Variants in ME3 observed in about 807,000 individuals in gnomAD.
ME3 encodes the protein NADP-dependent malic enzyme, mitochondrial.
A neutral mutation model predicts 68.9 loss-of-function variants in ME3; 48 were observed. That is an observed-to-expected ratio of 0.70 (90% CI 0.55 to 0.89). The LOEUF (loss-of-function observed/expected upper bound fraction) is 0.89. ME3 is among the 40% of genes least tolerant of loss of function. The pLI, the probability that ME3 is intolerant of heterozygous loss-of-function variation, is 0.00. For synonymous variants in ME3, 320 were observed against 318.8 expected, an observed-to-expected ratio of 1.00 and a Z score of -0.04; for missense variants, 675 against 797.4, an observed-to-expected ratio of 0.85 and a Z score of 1.85.
intron 7 of ME3, among the ~76,000 whole-genome samples, chr11:86,485,495 A>T (rs1406232090): frequency 2.0e-5 from 3 of 152,168 alleles, no homozygotes; most frequent in African/African-American, 7.2e-5. Context: ...TAGTGGCCAT[A>T]TCCCAATAGC....
chr11:86,634,188 G>A (rs1327471211), intron 2 of ME3, among the ~76,000 whole-genome samples: 1 of 152,090 alleles, frequency 6.6e-6, no homozygotes, highest in Non-Finnish European at 1.5e-5. Flanking sequence ...GGGTGTTCAG[G>A]GATGCCTCCA....
intron 2 of ME3, among the ~76,000 whole-genome samples, chr11:86,645,160 G>C (rs1482890767): frequency 1.3e-5 from 2 of 152,292 alleles, no homozygotes; most frequent in East Asian, 3.9e-4. Flanking sequence ...CAAACTAGCT[G>C]CAGGAGTATT....
chr11:86,595,212 A>T (rs1959206859), intron 2 of ME3, among the ~76,000 whole-genome samples: 1 of 144,334 alleles, frequency 6.9e-6, no homozygotes, highest in Non-Finnish European at 1.5e-5. Flanking sequence ...ATAGGTAAAA[A>T]TATGTGTTTA....
chr11:86,661,809 G>A lies in ME3; in HGVS notation c.183+9953C>T, dbSNP rs150130563. Among the ~76,000 whole-genome samples, 1,339 of 151,872 alleles carry A rather than the reference G, an allele frequency of 8.8e-3. 27 individuals carry two copies. Among genetic ancestry groups the A allele is most frequent in the African/African-American group, 0.03 (1,248 of 41,364 alleles). ...TGGTCCTCACTTGCACCCCTCTTAC[G>A]CTATAAGCTCCTTCAAGGCAGAGTA... On this transcript the variant is annotated intron_variant, in intron 2 of 14. Coordinates refer to ENST00000543262, the Ensembl canonical transcript of ME3.
intron 4 of ME3, among the ~76,000 whole-genome samples, chr11:86,525,862 C>CAAAAAA (rs774590648): frequency 3.9e-5 from 4 of 102,640 alleles, no homozygotes; most frequent in African/African-American, 1.4e-4. Context: ...AACTCTGTCT[C>CAAAAAA]AAAAAAAAAA....
intron 2 of ME3, among the ~76,000 whole-genome samples, chr11:86,641,893 T>G (rs1310859617): frequency 6.6e-6 from 1 of 152,192 alleles, no homozygotes; most frequent in Admixed American, 6.5e-5. Flanking sequence ...AAAAAAAAAC[T>G]TTAAACAGCT....
rs369001511 is a variant in ME3 at position 86,572,488 on chromosome 11, T to C, written c.184-12665A>G. On this transcript the variant is annotated intron_variant, in intron 2 of 14. Transcript: ENST00000543262. ...TATGTTGTTCCCCTCCTTGTGTCCA[T>C]GTGTCCGTTGTTCAACTCCCACTTA... 1.2e-3 allele frequency among the ~76,000 whole-genome samples: 177 copies of C among 152,284 alleles called. 3 individuals carry two copies. The South Asian group carries it at 0.034, about 30-fold the overall frequency.
chr11:86,461,114 A>C (rs143659303), intron 8 of ME3, among the ~76,000 whole-genome samples: 20 of 152,190 alleles, frequency 1.3e-4, no homozygotes, highest in Non-Finnish European at 2.9e-4. Context: ...TAACGAGAAG[A>C]TACCCTCCAC....
At chr11:86,538,180 C>T (rs1292798240) in intron 4 of ME3, among the ~76,000 whole-genome samples, 1 of 152,112 alleles carries the variant, frequency 6.6e-6, no homozygotes, top group Non-Finnish European at 1.5e-5. Context: ...TTTATGGGGA[C>T]ACACATAATT....
intron 4 of ME3, among the ~76,000 whole-genome samples, chr11:86,526,441 G>A (rs982231250): frequency 6.6e-6 from 1 of 152,168 alleles, no homozygotes; most frequent in Non-Finnish European, 1.5e-5. Flanking sequence ...CACCTCTCGG[G>A]GCAGGGCAAT....
intron 2 of ME3, among the ~76,000 whole-genome samples, chr11:86,574,400 G>GGT (rs1554986019): frequency 1.3e-4 from 6 of 47,728 alleles, no homozygotes; most frequent in Non-Finnish European, 3.2e-4. Context: ...TTGTTGCCGG[G>GGT]GGGGGGGGGG....
chr11:86,663,949 A>C (rs1427741150), intron 2 of ME3, among the ~76,000 whole-genome samples: 1 of 152,246 alleles, frequency 6.6e-6, no homozygotes, highest in Admixed American at 6.5e-5. Context: ...CTGCTGACGT[A>C]ATCTAGATAT....
intron 2 of ME3, among the ~76,000 whole-genome samples, chr11:86,650,552 C>A (rs775721484): frequency 6.6e-6 from 1 of 152,200 alleles, no homozygotes; most frequent in Non-Finnish European, 1.5e-5. Flanking sequence ...TTTTTGCTAT[C>A]TATCCATCTG....
intron 14 of ME3, 76 bp from the exon 15 acceptor site, chr11:86,441,516 G>A: frequency 7.1e-7 from 1 of 1,409,808 alleles, no homozygotes; most frequent in Non-Finnish European, 9.5e-7. Flanking sequence ...TGGGAGCATG[G>A]GGGAGGGGAA....
intron 4 of ME3, among the ~76,000 whole-genome samples, chr11:86,509,995 A>G (rs1358565195): frequency 6.6e-6 from 1 of 152,180 alleles, no homozygotes; most frequent in Non-Finnish European, 1.5e-5. Flanking sequence ...TTTCCATAAT[A>G]AAAAAATTAA....
chr11:86,559,203 AATGAC>A (rs1420701422), intron 3 of ME3, among the ~76,000 whole-genome samples: 1 of 152,056 alleles, frequency 6.6e-6, no homozygotes, highest in Non-Finnish European at 1.5e-5. Flanking sequence ...GCCTCCAACA[AATGAC>A]ATCTAGGTCC....
chr11:86,524,233 A>G (rs1186064230), intron 4 of ME3, among the ~76,000 whole-genome samples: 1 of 152,232 alleles, frequency 6.6e-6, no homozygotes, highest in Non-Finnish European at 1.5e-5. Flanking sequence ...CTCTGTTCTA[A>G]TACAAACATT....
At chr11:86,566,479 T>C (rs1369001557) in intron 2 of ME3, among the ~76,000 whole-genome samples, 1 of 152,196 alleles carries the variant, frequency 6.6e-6, no homozygotes, top group Admixed American at 6.5e-5. Context: ...ACCCCTTTGA[T>C]AGGGAATTAC....
intron 4 of ME3, among the ~76,000 whole-genome samples, chr11:86,542,710 A>AC (rs1956121417): frequency 6.6e-6 from 1 of 152,236 alleles, no homozygotes; most frequent in Non-Finnish European, 1.5e-5. Flanking sequence ...GGAGAATGGA[A>AC]CCAAGTTGGA....
Sources: allele counts gnomAD v4.1 joint callset (sites outside exome capture counted in the v4.1 genomes callset), GRCh38; gene constraint gnomAD v4.1.1; transcripts MANE v1.5; gene names NCBI Gene and HGNC (gene_info 2026-07-23, HGNC 2026-07-21).